The following PTH2R variants were observed in gnomAD, a reference collection of about 807,000 sequenced individuals.
The protein encoded by PTH2R is PTH2 receptor.
In PTH2R, 59 loss-of-function variants were observed where a neutral mutation model predicts 60.3. The ratio of observed to expected loss-of-function variants is 0.98; its 90% CI spans 0.79 to 1.22. The LOEUF is 1.22. PTH2R is among the 50% of genes most tolerant of loss of function. The pLI, the probability that PTH2R is intolerant of heterozygous loss-of-function variation, is 0.00. For missense variants in PTH2R, 749 were observed against 682.6 expected, an observed-to-expected ratio of 1.10 and a Z score of -1.08; for synonymous variants, 256 against 243.8, an observed-to-expected ratio of 1.05 and a Z score of -0.47.
intron 1 of PTH2R, among the ~76,000 whole-genome samples, chr2:208,390,415 A>C (rs1233222422): frequency 6.6e-6 from 1 of 152,218 alleles, no homozygotes; most frequent in Non-Finnish European, 1.5e-5. Context: ...AGGGAACCCC[A>C]AGACGATGAG....
At chr2:208,487,998 G>A (rs1703311789) in intron 10 of PTH2R, among the ~76,000 whole-genome samples, 1 of 152,200 alleles carries the variant, frequency 6.6e-6, no homozygotes, top group African/African-American at 2.4e-5. Flanking sequence ...CCCAGGTCTT[G>A]CCTACACTTA....
intron 8 of PTH2R, among the ~76,000 whole-genome samples, chr2:208,458,290 T>C (rs571615358): frequency 6.6e-6 from 1 of 152,250 alleles, no homozygotes; most frequent in Non-Finnish European, 1.5e-5. Context: ...CATGTAGAAC[T>C]TAAACTCAAG....
intron 1 of PTH2R, among the ~76,000 whole-genome samples, chr2:208,363,860 C>A (rs537157661): frequency 6.6e-6 from 1 of 152,024 alleles, no homozygotes; most frequent in South Asian, 2.1e-4. Flanking sequence ...TTTTAATGGG[C>A]TTGTTTGTTT....
chr2:208,403,857 G>A (rs151243024), upstream of PTH2R, among the ~76,000 whole-genome samples: 1 of 152,188 alleles, frequency 6.6e-6, no homozygotes, highest in Admixed American at 6.5e-5. Context: ...TGCCTGCACT[G>A]GGCTTCTCTA....
intron 10 of PTH2R, among the ~76,000 whole-genome samples, chr2:208,488,609 C>A (rs920204073): frequency 1.3e-5 from 2 of 151,780 alleles, no homozygotes; most frequent in Admixed American, 1.3e-4. Flanking sequence ...ATGTAAGTGA[C>A]AGAAAGAGGA....
At chr2:208,364,328 C>G (rs975604653) in intron 1 of PTH2R, among the ~76,000 whole-genome samples, 1 of 151,968 alleles carries the variant, frequency 6.6e-6, no homozygotes, top group African/African-American at 2.4e-5. Flanking sequence ...CGATTTTTTT[C>G]TATGTTTTCT....
In PTH2R at chr2:208,493,330, C is replaced by A. The variant is rs756732628; in HGVS notation, c.1324C>A (p.Pro442Thr). Residue 442 changes from proline (P) to threonine (T), a missense_variant, in exon 13 of 13, where the codon CCA (proline) becomes ACA (threonine). By Grantham distance (38) the Pro-to-Thr change is conservative. Coordinates refer to ENST00000272847, the MANE Select transcript of PTH2R (RefSeq NM_005048.4). The part of the protein sequence containing the change: ...NLSVDWKRTP[P>T]CGSRRCGSVL... Reference sequence around the variant, plus strand: ...CTCCGTGGACTGGAAAAGGACACCGCCATGTGGCAGCCGCAGATGCGGCTC... The same window carrying A: ...CTCCGTGGACTGGAAAAGGACACCGACATGTGGCAGCCGCAGATGCGGCTC... The A allele has an allele frequency of 2.6e-6, 4 of 1,563,408 alleles. No homozygotes were observed. The East Asian group carries it at 6.8e-5, about 27-fold the overall frequency.
chr2:208,456,012 G>A (rs1574889643), intron 8 of PTH2R, among the ~76,000 whole-genome samples: 2 of 152,278 alleles, frequency 1.3e-5, no homozygotes, highest in Admixed American at 6.5e-5. Context: ...GCCAAAGCAG[G>A]CTGATCCCTT....
At chr2:208,432,351 T>A (rs961673096) in intron 2 of PTH2R, among the ~76,000 whole-genome samples, 1 of 152,182 alleles carries the variant, frequency 6.6e-6, no homozygotes, top group Admixed American at 6.5e-5. Flanking sequence ...GGATGGTGTA[T>A]AATTTTAACA....
intron 1 of PTH2R, among the ~76,000 whole-genome samples, chr2:208,370,442 CAAAAAAAAAAAAAAAAA>C (rs71041305): frequency 6.5e-5 from 4 of 61,636 alleles, no homozygotes; most frequent in African/African-American, 1.3e-4. Context: ...GACTCCGTCT[CAAAAAAAAAAAAAAAAA>C]AAAAAAAAAA....
chr2:208,411,329 TTAAAGA>T (rs1701535796), intron 1 of PTH2R, among the ~76,000 whole-genome samples: 1 of 152,194 alleles, frequency 6.6e-6, no homozygotes. Context: ...ACTATTGTAG[TTAAAGA>T]TAAGAGAGTT....
chr2:208,435,824 G>A (rs1171779599), intron 2 of PTH2R, among the ~76,000 whole-genome samples: 1 of 152,190 alleles, frequency 6.6e-6, no homozygotes, highest in Non-Finnish European at 1.5e-5. Flanking sequence ...TACAGAAATA[G>A]AGAAAAAACA....
chr2:208,433,997 T>C (rs2105861404), intron 2 of PTH2R, among the ~76,000 whole-genome samples: 1 of 152,312 alleles, frequency 6.6e-6, no homozygotes, highest in East Asian at 1.9e-4. Context: ...GGCAATCTGA[T>C]CAAGGAGAGA....
At chr2:208,414,854 G>A (rs1168271123) in intron 1 of PTH2R, among the ~76,000 whole-genome samples, 1 of 151,872 alleles carries the variant, frequency 6.6e-6, no homozygotes, top group African/African-American at 2.4e-5. Flanking sequence ...TTACCTCTGT[G>A]GTCTTCCCTT....
chr2:208,372,576 C>T (rs1178425871), intron 1 of PTH2R, among the ~76,000 whole-genome samples: 2 of 151,952 alleles, frequency 1.3e-5, no homozygotes, highest in Non-Finnish European at 2.9e-5. Context: ...TAGCAAAACA[C>T]TACAAACAAA....
intron 1 of PTH2R, among the ~76,000 whole-genome samples, chr2:208,388,999 T>C (rs1701057909): frequency 6.6e-6 from 1 of 152,128 alleles, no homozygotes; most frequent in Non-Finnish European, 1.5e-5. Context: ...AATGTAACCT[T>C]AGCATCAGCA....
At chr2:208,428,690 A>T (rs529343035) in intron 2 of PTH2R, among the ~76,000 whole-genome samples, 7 of 152,180 alleles carry the variant, frequency 4.6e-5, no homozygotes, top group Non-Finnish European at 1.0e-4. Context: ...TGCAGTTCAA[A>T]ATCTACTTCA....
At chr2:208,465,768 A>G (rs1484761749) in intron 9 of PTH2R, among the ~76,000 whole-genome samples, 1 of 152,134 alleles carries the variant, frequency 6.6e-6, no homozygotes, top group Non-Finnish European at 1.5e-5. Flanking sequence ...CAGTGCAAAA[A>G]CAACATTAAA....
intron 1 of PTH2R, among the ~76,000 whole-genome samples, chr2:208,414,069 T>C (rs1701593264): frequency 6.6e-6 from 1 of 152,184 alleles, no homozygotes; most frequent in Admixed American, 6.5e-5. Flanking sequence ...CCCACTGTTT[T>C]ACTGGGGCTC....
Sources: gnomAD v4.1 joint callset for allele counts (sites outside exome capture counted in the v4.1 genomes callset) on GRCh38, gnomAD v4.1.1 for gene constraint, MANE v1.5 for transcripts, NCBI Gene and HGNC (gene_info 2026-07-23, HGNC 2026-07-21) for gene names.